ZCCHC7: variants seen among roughly 807,000 people sequenced by gnomAD.
ZCCHC7 encodes zinc finger CCHC domain-containing protein 7.
In ZCCHC7, 35 loss-of-function variants were observed where a neutral mutation model predicts 52.0. The observed-to-expected ratio is 0.67, with a 90% CI of 0.51 to 0.89. The LOEUF is 0.89. Ranked by LOEUF, ZCCHC7 falls within the 40% of genes least tolerant of loss-of-function variation. The pLI is 0.00. For synonymous variants in ZCCHC7, 217 were observed against 221.5 expected (o/e 0.98, Z 0.18); for missense variants, 574 against 649.1 (o/e 0.88, Z 1.26).
chr9:37,204,729 G>A, intron 2 of ZCCHC7, among the ~76,000 whole-genome samples: 1 of 152,164 alleles, frequency 6.6e-6, no homozygotes, highest in East Asian at 1.9e-4. Context: ...ATAGTTTGAA[G>A]TTAGGTAGCA....
At chr9:37,269,640 A>C (rs926843811) in intron 2 of ZCCHC7, among the ~76,000 whole-genome samples, 12 of 148,620 alleles carry the variant, frequency 8.1e-5, no homozygotes, top group African/African-American at 1.7e-4. Flanking sequence ...AAAAAAAAAA[A>C]AAAAAACAAA....
intron 5 of ZCCHC7, among the ~76,000 whole-genome samples, chr9:37,306,053 A>T (rs939579164): frequency 6.8e-6 from 1 of 146,520 alleles, no homozygotes. Context: ...AAATTTGTGT[A>T]TTCATATTTA....
In ZCCHC7 at chr9:37,357,250, G is replaced by GAGAAAAAAA; in HGVS notation, c.1616_1624dup (p.Arg539_Lys541dup). 6.3e-7 allele frequency: 1 copy of GAGAAAAAAA among 1,587,624 alleles called. No individual in the cohort carries two copies. The highest frequency in any genetic ancestry group is 1.2e-5 in the South Asian group (1 of 85,566). ...ATGATAACTTATTTCTTATTAAGCA[G>GAGAAAAAAA]AGAAAAAAAAAGTCTTAAGCCGTCA... On this transcript the variant is annotated inframe_insertion, in exon 9 of 9. Transcript: ENST00000336755.
chr9:37,144,311 A>G (rs933319401), intron 2 of ZCCHC7, among the ~76,000 whole-genome samples: 3 of 151,906 alleles, frequency 2.0e-5, no homozygotes, highest in Admixed American at 2.0e-4. Context: ...TGTGAATGCT[A>G]ATATCTTCTT....
intron 2 of ZCCHC7, among the ~76,000 whole-genome samples, chr9:37,146,156 C>T (rs561949532): frequency 6.6e-6 from 1 of 151,890 alleles, no homozygotes; most frequent in South Asian, 2.1e-4. Context: ...TAGATTATAT[C>T]ATTGTATTAA....
intron 2 of ZCCHC7, among the ~76,000 whole-genome samples, chr9:37,201,907 A>G (rs1031416544): frequency 5.3e-5 from 8 of 152,102 alleles, no homozygotes; most frequent in African/African-American, 1.9e-4. Flanking sequence ...GCCATACCCC[A>G]TTTTCTCAAC....
intron 6 of ZCCHC7, among the ~76,000 whole-genome samples, chr9:37,347,236 C>T (rs1302931691): frequency 6.6e-6 from 1 of 152,114 alleles, no homozygotes; most frequent in Non-Finnish European, 1.5e-5. Flanking sequence ...ATTATCTTTC[C>T]CAGATGTTCA....
chr9:37,315,770 T>C (rs537624737), intron 5 of ZCCHC7, among the ~76,000 whole-genome samples: 2 of 148,294 alleles, frequency 1.3e-5, no homozygotes, highest in African/African-American at 4.9e-5. Context: ...GGTCTCAATA[T>C]TAAACCTTTC....
intron 5 of ZCCHC7, among the ~76,000 whole-genome samples, chr9:37,320,994 T>A (rs1424869634): frequency 6.8e-6 from 1 of 146,520 alleles, no homozygotes; most frequent in African/African-American, 2.5e-5. Flanking sequence ...TTTCTTTTTT[T>A]TTTTTTTTTT....
intron 2 of ZCCHC7, among the ~76,000 whole-genome samples, chr9:37,229,463 A>G (rs1825291686): frequency 6.6e-6 from 1 of 152,150 alleles, no homozygotes; most frequent in Non-Finnish European, 1.5e-5. Flanking sequence ...ATGATATCCT[A>G]TTGCTCCTAG....
chr9:37,350,120 T>TG, intron 7 of ZCCHC7, among the ~76,000 whole-genome samples: 1 of 114,854 alleles, frequency 8.7e-6, no homozygotes, highest in South Asian at 2.9e-4. Flanking sequence ...TTGGGGTTTG[T>TG]TTTTTTTTTT....
At chr9:37,292,679 G>C (rs1422291923) in intron 2 of ZCCHC7, among the ~76,000 whole-genome samples, 1 of 152,206 alleles carries the variant, frequency 6.6e-6, no homozygotes, top group Non-Finnish European at 1.5e-5. Context: ...AGCAAGAGGT[G>C]TAAGTGGTTG....
At chr9:37,334,289 A>T (rs1024713514) in intron 6 of ZCCHC7, among the ~76,000 whole-genome samples, 2 of 151,920 alleles carry the variant, frequency 1.3e-5, no homozygotes, top group Non-Finnish European at 2.9e-5. Context: ...TAGAGCATTG[A>T]TATTTGTATT....
intron 6 of ZCCHC7, among the ~76,000 whole-genome samples, chr9:37,331,797 G>A (rs1830459502): frequency 6.6e-6 from 1 of 151,494 alleles, no homozygotes; most frequent in East Asian, 1.9e-4. Flanking sequence ...TACATAAGCA[G>A]ATCTGTAAAA....
chr9:37,185,912 C>A (rs926996748), intron 2 of ZCCHC7, among the ~76,000 whole-genome samples: 2 of 152,036 alleles, frequency 1.3e-5, no homozygotes, highest in African/African-American at 4.8e-5. Flanking sequence ...AATATCTGTT[C>A]ATTCATGCAT....
intron 2 of ZCCHC7, among the ~76,000 whole-genome samples, chr9:37,152,802 C>A (rs1279354970): frequency 6.6e-6 from 1 of 152,038 alleles, no homozygotes; most frequent in Admixed American, 6.5e-5. Context: ...TTCTTTTTTC[C>A]CCCCTTCTTC....
chr9:37,185,847 G>A (rs1453244821), intron 2 of ZCCHC7, among the ~76,000 whole-genome samples: 1 of 152,124 alleles, frequency 6.6e-6, no homozygotes, highest in African/African-American at 2.4e-5. Flanking sequence ...AGTTCTTGGG[G>A]TTAGAATTTG....
chr9:37,161,620 G>A (rs1821112706), intron 2 of ZCCHC7, among the ~76,000 whole-genome samples: 1 of 152,028 alleles, frequency 6.6e-6, no homozygotes, highest in Admixed American at 6.6e-5. Context: ...ATAAATCACT[G>A]CTTCAAGGCC....
At chr9:37,315,113 T>C (rs1829757569) in intron 5 of ZCCHC7, among the ~76,000 whole-genome samples, 1 of 149,726 alleles carries the variant, frequency 6.7e-6, no homozygotes, top group Admixed American at 6.6e-5. Flanking sequence ...TGATTATATT[T>C]CAGTTAAAAA....
Sources: gnomAD v4.1 joint callset for allele counts (sites outside exome capture counted in the v4.1 genomes callset) on GRCh38, gnomAD v4.1.1 for gene constraint, MANE v1.5 for transcripts, NCBI Gene and HGNC (gene_info 2026-07-23, HGNC 2026-07-21) for gene names.